The following FAM151A variants were observed in gnomAD, a reference collection of about 807,000 sequenced individuals.
FAM151A encodes protein FAM151A.
A neutral mutation model predicts 40.4 loss-of-function variants in FAM151A; 41 were observed. That is an observed-to-expected ratio of 1.01 (90% CI 0.79 to 1.32). The LOEUF (loss-of-function observed/expected upper bound fraction) is 1.32. FAM151A is among the 40% of genes most tolerant of loss of function. The probability of loss-of-function intolerance (pLI) is 0.00; values close to 1 mark genes in which losing one functional copy is unlikely to be tolerated. For missense variants in FAM151A, 740 were observed against 740.4 expected (o/e 1.00, Z 0.01); for synonymous variants, 337 against 312.5 (o/e 1.08, Z -0.83).
In FAM151A at chr1:54,610,515, G is replaced by C. The variant is rs748246758; in HGVS notation, c.981C>G (p.Ser327Arg). Residue 327 changes from serine to arginine, a missense_variant, in exon 7 of 8, where the codon AGC becomes AGG. By Grantham distance (110) the Ser-to-Arg change is moderately radical. Coordinates refer to ENST00000302250, the MANE Select transcript of FAM151A (RefSeq NM_176782.3). ...CAGGCAGCTGGAGAAGAGGGATCAG[G>C]CTGCCTCCCGTGTAGTACATTGGTT... ...TRKPMYYTGG[S>R]LIPLLQLPGD... 1.4e-5 allele frequency: 22 copies of C among 1,613,590 alleles called. No individual in the cohort carries two copies. Among genetic ancestry groups the C allele is most frequent in the Non-Finnish European group, 1.8e-5 (21 of 1,179,712 alleles).
chr1:54,611,004 A>G (rs911410974), intron 6 of FAM151A: 7 of 985,466 alleles, frequency 7.1e-6, no homozygotes, highest in Non-Finnish European at 8.4e-6. Context: ...CTATGCACCA[A>G]GGGAAATAAT....
At chr1:54,622,503 G>T (rs1644239942) in intron 1 of FAM151A, among the ~76,000 whole-genome samples, 1 of 151,664 alleles carries the variant, frequency 6.6e-6, no homozygotes, top group South Asian at 2.1e-4. Context: ...TCTTGAACCT[G>T]GGAGGCGGAG....
chr1:54,614,894 C>T (rs774957277), intron 3 of FAM151A, 35 bp from the exon 4 acceptor site: 39 of 1,603,340 alleles, frequency 2.4e-5, no homozygotes, highest in Middle Eastern at 1.7e-4. Flanking sequence ...GGGGAAATGG[C>T]GAAGGAACTA....
At chr1:54,618,571 C>T (rs1569796993) in intron 2 of FAM151A, among the ~76,000 whole-genome samples, 1 of 152,004 alleles carries the variant, frequency 6.6e-6, no homozygotes, top group Non-Finnish European at 1.5e-5. Context: ...AGAGGCTGAA[C>T]CTGGGGGCTG....
At chr1:54,610,779 A>T in intron 6 of FAM151A, 1 of 984,668 alleles carries the variant, frequency 1.0e-6, no homozygotes, top group African/African-American at 1.7e-5. Context: ...TGATGGGACC[A>T]GGTCTGCCTG....
chr1:54,623,184 A>T (rs561814126), intron 1 of FAM151A, 94 bp downstream of exon 1: 15 of 831,016 alleles, frequency 1.8e-5, no homozygotes, highest in Middle Eastern at 3.5e-4. Context: ...TCTAAAAAAA[A>T]AAAAGGGACT....
intron 2 of FAM151A, among the ~76,000 whole-genome samples, chr1:54,618,715 T>G (rs2101023234): frequency 6.6e-6 from 1 of 152,130 alleles, no homozygotes; most frequent in East Asian, 1.9e-4. Flanking sequence ...TCAATAGCCC[T>G]CCTTGTGCCA....
At chr1:54,613,177 C>T (rs186254809) in intron 4 of FAM151A, among the ~76,000 whole-genome samples, 2 of 151,868 alleles carry the variant, frequency 1.3e-5, no homozygotes, top group South Asian at 2.1e-4. Context: ...GTTGGGAGTT[C>T]GAGACCAGCC....
chr1:54,609,833 C>T lies in FAM151A; in HGVS notation c.1193G>A (p.Cys398Tyr), dbSNP rs758934884. The T allele has an allele frequency of 6.2e-7, 1 of 1,614,174 alleles. No homozygotes were observed. Among genetic ancestry groups the T allele is most frequent in the Non-Finnish European group, 8.5e-7 (1 of 1,180,048 alleles). ...GGGATGTGTGGCCAGCTGCTGCAGG[C>T]AGGACTCCAGCGTCAGGATGTTGCC... ...PSGNILTLES[C>Y]LQQLATHPGH... is the part of the protein sequence containing the mutation. The change falls in exon 8 of 8, where the codon TGC becomes TAC. Residue 398 changes from cysteine to tyrosine, a missense_variant. Physicochemically the swap from Cys to Tyr is radical, Grantham distance 194 (BLOSUM62 -2). Transcript: ENST00000302250.
rs762418859 is a variant in FAM151A, at chr1:54,614,812, C to G, written c.463G>C (p.Asp155His). 3 of 1,614,038 alleles carry G rather than the reference C, an allele frequency of 1.9e-6. No homozygotes were observed. In the South Asian group the frequency reaches 3.3e-5, roughly 18 times the overall value. ...TCCTCTGTCAGCTGCCGCAGGAGGT[C>G]CAGGGAGGGGCCCACTGCCTTGATG... ...KNIKAVGPSL[D>H]LLRQLTEEGK... The change falls in exon 4 of 8, where the codon GAC (aspartate) becomes CAC (histidine). Residue 155 changes from aspartate to histidine, a missense_variant. By Grantham distance (81) the Asp-to-His change is moderately conservative. Coordinates refer to ENST00000302250, the MANE Select transcript of FAM151A (RefSeq NM_176782.3).
intron 1 of FAM151A, among the ~76,000 whole-genome samples, chr1:54,622,577 A>T (rs1241742284): frequency 6.6e-6 from 1 of 151,976 alleles, no homozygotes; most frequent in Admixed American, 6.6e-5. Flanking sequence ...TCAAAAAAAA[A>T]AACCACAAAA....
intron 4 of FAM151A, 102 bp downstream of exon 4, chr1:54,614,598 A>G: frequency 8.3e-7 from 1 of 1,206,526 alleles, no homozygotes; most frequent in Admixed American, 2.4e-5. Context: ...TATATATAGT[A>G]TGATTGGAGA....
In FAM151A at chr1:54,612,510, C is replaced by T. The variant is rs745450136; in HGVS notation, c.776G>A (p.Ser259Asn). The T allele has an allele frequency of 2.5e-6, 4 of 1,613,974 alleles. No individual in the cohort carries two copies. Among genetic ancestry groups the T allele is most frequent in the Non-Finnish European group, 2.5e-6 (3 of 1,179,988 alleles). The change falls in exon 5 of 8, where the codon AGC becomes AAC. Residue 259 changes from serine (S) to asparagine (N), a missense_variant. Coordinates refer to ENST00000302250, the MANE Select transcript of FAM151A (RefSeq NM_176782.3). ...SMVRAAWPHFSWLLSQSERYS... is the reference protein window; with the variant it reads ...SMVRAAWPHFNWLLSQSERYS... ...CCTCTCAGATTGGCTCAGCAGCCAG[C>T]TGAAGTGGGGCCAGGCAGCCCGCAC...
chr1:54,610,850 C>T, intron 6 of FAM151A: 1 of 985,380 alleles, frequency 1.0e-6, no homozygotes, highest in Non-Finnish European at 1.2e-6. Context: ...AATGCTGAGT[C>T]TGATGGGGCC....
intron 2 of FAM151A, among the ~76,000 whole-genome samples, 199 bp from the exon 3 acceptor site, chr1:54,616,371 GT>G (rs879271475): frequency 3.8e-4 from 57 of 148,190 alleles, no homozygotes; most frequent in African/African-American, 8.6e-4. Flanking sequence ...ATAGGTTTTT[GT>G]TTTTTTTTTG....
chr1:54,610,049 G>A lies in FAM151A; in HGVS notation c.1085-108C>T. 10 of 1,448,256 alleles carry A rather than the reference G, an allele frequency of 6.9e-6. No homozygotes were observed. The South Asian group carries it at 1.5e-4, about 21-fold the overall frequency. 89.7% of individuals were successfully genotyped at this position (1,448,256 alleles called of 1,614,324 possible). ...GAGTTATGGGGTCATCAAGGACCTTGCCTCTCTGGAATCTGTCAACCCAGT... is the reference window on the plus strand; with the variant it reads ...GAGTTATGGGGTCATCAAGGACCTTACCTCTCTGGAATCTGTCAACCCAGT... On this transcript the variant is annotated intron_variant, in intron 7 of 7. Transcript: ENST00000302250.
intron 5 of FAM151A, 112 bp downstream of exon 5, chr1:54,612,374 G>A (rs1200029176): frequency 1.2e-5 from 9 of 739,642 alleles, no homozygotes; most frequent in South Asian, 5.1e-5. Context: ...CATGAGCACT[G>A]GCAGGGGTTG....
chr1:54,612,478 GTT>G lies in FAM151A; in HGVS notation c.800+6_800+7del. ...CAGGAGGGTGGGGGTGGGTTTGGTGGTTTTCACCTCTCAGATTGGCTCAGCAG... is the reference window on the plus strand; with the variant it reads ...CAGGAGGGTGGGGGTGGGTTTGGTGGTTCACCTCTCAGATTGGCTCAGCAG... On this transcript the variant is annotated splice_donor_region_variant and intron_variant, in intron 5 of 7. Transcript: ENST00000302250. The G allele has an allele frequency of 6.2e-7, 1 of 1,610,904 alleles. No individual in the cohort carries two copies. Among genetic ancestry groups the G allele is most frequent in the Non-Finnish European group, 8.5e-7 (1 of 1,177,548 alleles).
At chr1:54,617,157 C>T (rs1644181532) in intron 2 of FAM151A, among the ~76,000 whole-genome samples, 1 of 152,182 alleles carries the variant, frequency 6.6e-6, no homozygotes, top group African/African-American at 2.4e-5. Flanking sequence ...AGGTGGACAT[C>T]TTCTGATTCC....
Sources: gnomAD v4.1 joint callset for allele counts (sites outside exome capture counted in the v4.1 genomes callset) on GRCh38, gnomAD v4.1.1 for gene constraint, MANE v1.5 for transcripts, NCBI Gene and HGNC (gene_info 2026-07-23, HGNC 2026-07-21) for gene names.